The following LACTB variants were observed in gnomAD, a reference collection of about 807,000 sequenced individuals.
LACTB encodes serine beta-lactamase-like protein LACTB, mitochondrial.
In LACTB, 35 loss-of-function variants were observed where a neutral mutation model predicts 50.2. The observed-to-expected ratio is 0.70, with a 90% CI of 0.53 to 0.92. The LOEUF is 0.92. Ranked by LOEUF, LACTB falls within the 40% of genes least tolerant of loss-of-function variation. LACTB has a pLI of 0.00. For synonymous variants in LACTB, 252 were observed against 268.2 expected (o/e 0.94, Z 0.59); for missense variants, 664 against 691.8 (o/e 0.96, Z 0.45).
In LACTB at chr15:63,121,981, G is replaced by T. The variant is rs1334088859; in HGVS notation, c.110G>T (p.Gly37Val). The T allele has an allele frequency of 7.3e-7, 1 of 1,369,460 alleles. No individual in the cohort carries two copies. 84.8% of individuals were successfully genotyped at this position (1,369,460 alleles called of 1,614,324 possible). A position where few individuals can be genotyped will look rare whatever the true frequency, so the allele number is the denominator to read the frequency against. ...CAGCGCGCCGGGCTGCCGCCTCTCG[G>T]CCACGGCTGGGTCGGGGGCCTCGGG... ...VHQRAGLPPLGHGWVGGLGLG... is the reference protein window; with the variant it reads ...VHQRAGLPPLVHGWVGGLGLG... The change falls in exon 1 of 6, where the codon GGC (glycine) becomes GTC (valine). Residue 37 changes from glycine to valine, a missense_variant. Transcript: ENST00000261893.
At chr15:63,125,556 C>A (rs954704838) in intron 2 of LACTB, among the ~76,000 whole-genome samples, 3 of 152,072 alleles carry the variant, frequency 2.0e-5, no homozygotes, top group Admixed American at 1.3e-4. Flanking sequence ...GTCTTGTAAT[C>A]AAAAATTATA....
At position 63,134,812 on chromosome 15, in the gene LACTB, ATG is replaced by A. The variant is rs59941185; in HGVS notation, c.1118+5188_1118+5189del. On this transcript the variant is annotated intron_variant, in intron 5 of 5. Transcript: ENST00000261893. ...TTTAGAAGGGTGTGATGTGTGTGTG[ATG>A]TGTGTGTGTGTGTGTGTGTGTGTGT... is the stretch of plus-strand genomic sequence containing the variant. 2.2e-3 allele frequency among the ~76,000 whole-genome samples: 326 copies of A among 148,506 alleles called. 2 individuals are homozygous for A. Among genetic ancestry groups the A allele is most frequent in the South Asian group, 0.014 (65 of 4,658 alleles).
At chr15:63,137,106 T>A (rs1052043733) in intron 5 of LACTB, among the ~76,000 whole-genome samples, 6 of 152,234 alleles carry the variant, frequency 3.9e-5, no homozygotes, top group African/African-American at 1.4e-4. Flanking sequence ...TTTAACTGGA[T>A]ATGTTGTTGT....
At chr15:63,125,472 A>T (rs2037039805) in intron 2 of LACTB, among the ~76,000 whole-genome samples, 1 of 152,080 alleles carries the variant, frequency 6.6e-6, no homozygotes, top group Non-Finnish European at 1.5e-5. Context: ...CCAGCTTAAA[A>T]TTTTTTAAAA....
chr15:63,128,426 G>C (rs547506702), intron 4 of LACTB, among the ~76,000 whole-genome samples: 1 of 152,180 alleles, frequency 6.6e-6, no homozygotes, highest in South Asian at 2.1e-4. Context: ...GCAAGGCCCT[G>C]TTTCTCCAAA....
Position 63,127,477 on chromosome 15 carries a change from C to T in LACTB, c.740C>T (p.Ala247Val). Reference protein sequence around the residue: ...KALKMMKENVAFEQEKEGKSN... With the variant: ...KALKMMKENVVFEQEKEGKSN... ...TTGAAGATGATGAAAGAGAATGTTG[C>T]ATTTGAGCAAGAAAAAGAAGGCAAA... The change falls in exon 4 of 6, where the codon GCA becomes GTA. Residue 247 changes from alanine to valine, a missense_variant. By Grantham distance (64) the Ala-to-Val change is moderately conservative (BLOSUM62 0). Transcript: ENST00000261893. 1 of 1,612,960 alleles carries T rather than the reference C, an allele frequency of 6.2e-7. No individual in the cohort carries two copies. The highest frequency in any genetic ancestry group is 1.1e-5 in the South Asian group (1 of 90,946).
At chr15:63,129,015 C>T (rs983620694) in intron 4 of LACTB, among the ~76,000 whole-genome samples, 4 of 152,138 alleles carry the variant, frequency 2.6e-5, no homozygotes, top group Admixed American at 6.6e-5. Context: ...AGTGCTAGGA[C>T]ACAGGAGTGA....
chr15:63,122,557 G>A, intron 1 of LACTB, 79 bp from the exon 2 acceptor site: 6 of 1,132,260 alleles, frequency 5.3e-6, no homozygotes, highest in Non-Finnish European at 8.1e-6. Flanking sequence ...AGGGGGCGGG[G>A]CCTTGGAAGG....
In LACTB at chr15:63,128,053, T is replaced by G. The variant is rs140904072; in HGVS notation, c.952+364T>G. 3.2e-3 allele frequency among the ~76,000 whole-genome samples: 483 copies of G among 152,360 alleles called. 3 individuals are homozygous for G. Among genetic ancestry groups the G allele is most frequent in the East Asian group, 0.013 (65 of 5,192 alleles). On this transcript the variant is annotated intron_variant, in intron 4 of 5. Transcript: ENST00000261893. ...TTAGAATTTAAATTGCTCAACTTAT[T>G]TTGTGCCTTTATTTCTTAAAGAAAT... is the stretch of plus-strand genomic sequence containing the variant.
intron 4 of LACTB, among the ~76,000 whole-genome samples, chr15:63,128,583 A>G (rs2037086264): frequency 6.6e-6 from 1 of 152,222 alleles, no homozygotes. Flanking sequence ...CTTGGGCAAC[A>G]GCAAGAGCAA....
At chr15:63,128,551 T>C (rs1469090667) in intron 4 of LACTB, among the ~76,000 whole-genome samples, 10 of 152,162 alleles carry the variant, frequency 6.6e-5, no homozygotes, top group Non-Finnish European at 1.5e-5. Flanking sequence ...TAGTGGGTTG[T>C]GATCATACCA....
At chr15:63,124,961 GA>G (rs75764111) in intron 2 of LACTB, among the ~76,000 whole-genome samples, 113,610 of 150,694 alleles carry the variant, frequency 0.75, 43,158 homozygotes, top group East Asian at 0.99. Context: ...CAAAAAAAAA[GA>G]AAAAAAAATG....
intron 2 of LACTB, among the ~76,000 whole-genome samples, chr15:63,123,432 A>G (rs1053767105): frequency 7.2e-5 from 11 of 152,232 alleles, no homozygotes; most frequent in Admixed American, 5.9e-4. Context: ...ACACTATTGT[A>G]GGGACCAGCC....
intron 2 of LACTB, 37 bp from the exon 3 acceptor site, chr15:63,126,822 C>A (rs766003868): frequency 5.3e-6 from 7 of 1,316,578 alleles, no homozygotes; most frequent in African/African-American, 4.5e-5. Flanking sequence ...GACCATGAAG[C>A]CTGTTAATAG....
At chr15:63,136,833 G>A (rs1321845555) in intron 5 of LACTB, among the ~76,000 whole-genome samples, 1 of 152,140 alleles carries the variant, frequency 6.6e-6, no homozygotes, top group African/African-American at 2.4e-5. Context: ...GTAGTCTACT[G>A]ACTTGTTGGG....
rs71131144 is a variant in LACTB at position 63,132,819 on chromosome 15, T to TCA, written c.1118+3169_1118+3170insCA. On this transcript the variant is annotated intron_variant, in intron 5 of 5. Transcript: ENST00000261893. ...CTGGGCAAGAGAGCGAGACCCCATT[T>TCA]AAAAAAAATTTTTTTTTGATATATT... is the stretch of plus-strand genomic sequence containing the variant. Among the ~76,000 whole-genome samples, 258 of 143,518 alleles carry TCA rather than the reference T, an allele frequency of 1.8e-3. 1 individual carries two copies. Among genetic ancestry groups the TCA allele is most frequent in the African/African-American group, 5.9e-3 (233 of 39,596 alleles). The allele number at this position is 143,518 out of a possible 152,430, so 94.2% of individuals were successfully genotyped here. A position where few individuals can be genotyped will look rare whatever the true frequency, so the allele number is the denominator to read the frequency against.
intron 3 of LACTB, 95 bp from the exon 4 acceptor site, chr15:63,127,258 A>T: frequency 9.2e-7 from 1 of 1,091,900 alleles, no homozygotes; most frequent in Middle Eastern, 2.3e-4. Flanking sequence ...CAGCAGTTCT[A>T]AGTGGAAAAT....
chr15:63,124,141 C>A (rs922251033), intron 2 of LACTB, among the ~76,000 whole-genome samples: 25 of 152,230 alleles, frequency 1.6e-4, no homozygotes, highest in Non-Finnish European at 2.9e-4. Flanking sequence ...TTCTGGTGGC[C>A]CTGTCTGGGC....
At chr15:63,125,182 T>TA (rs955892196) in intron 2 of LACTB, among the ~76,000 whole-genome samples, 19 of 150,974 alleles carry the variant, frequency 1.3e-4, no homozygotes, top group East Asian at 3.9e-4. Flanking sequence ...TTTATTTATT[T>TA]TTTTTTTGGA....
Sources: allele counts gnomAD v4.1 joint callset (sites outside exome capture counted in the v4.1 genomes callset), GRCh38; gene constraint gnomAD v4.1.1; transcripts MANE v1.5; gene names NCBI Gene and HGNC (gene_info 2026-07-23, HGNC 2026-07-21).